The following CALD1 variants were observed in gnomAD, a reference collection of about 807,000 sequenced individuals.
CALD1 encodes caldesmon 1, also known as caldesmon.
In CALD1, 33 loss-of-function variants were observed where a neutral mutation model predicts 99.9. The ratio of observed to expected loss-of-function variants is 0.33; its 90% confidence interval spans 0.25 to 0.44. CALD1 has a LOEUF of 0.44. CALD1 is among the 20% of genes least tolerant of loss of function. The pLI is 1.00. For missense variants in CALD1, 861 were observed against 962.1 expected (o/e 0.89, Z 1.39); for synonymous variants, 310 against 325.0 (o/e 0.95, Z 0.50).
chr7:134,843,272 G>A (rs892504357), intron 1 of CALD1, among the ~76,000 whole-genome samples: 2 of 152,208 alleles, frequency 1.3e-5, no homozygotes, highest in Middle Eastern at 3.2e-3. Flanking sequence ...TCACCCGGGC[G>A]TCTATTTGAA....
intron 1 of CALD1, among the ~76,000 whole-genome samples, chr7:134,752,478 C>T (rs997178911): frequency 2.0e-5 from 3 of 152,182 alleles, no homozygotes; most frequent in Admixed American, 2.0e-4. Flanking sequence ...ATATATTATA[C>T]AGTGGTACCT....
rs778542749 is a variant in CALD1, at chr7:134,928,736, G to T, written c.72-18G>T. On this transcript the variant is annotated intron_variant, in intron 3 of 14. Transcript: ENST00000361675. ...TGGCAAGTGGCACGCTCAAGAGGTT[G>T]TCTTTGTAATGTTGCAGAATCGCCT... 1 of 1,611,722 alleles carries T rather than the reference G, an allele frequency of 6.2e-7. No individual in the cohort carries two copies. Among genetic ancestry groups the T allele is most frequent in the Non-Finnish European group, 8.5e-7 (1 of 1,178,848 alleles).
upstream of CALD1, among the ~76,000 whole-genome samples, chr7:134,743,978 A>C (rs1437002322): frequency 6.6e-6 from 1 of 152,194 alleles, no homozygotes; most frequent in Non-Finnish European, 1.5e-5. Context: ...AAAAATAGCC[A>C]ATCAGATTAG....
intron 7 of CALD1, among the ~76,000 whole-genome samples, chr7:134,946,222 GATATA>G (rs1367244625): frequency 6.6e-6 from 1 of 151,938 alleles, no homozygotes; most frequent in Non-Finnish European, 1.5e-5. Context: ...ATATCATACT[GATATA>G]ATACATAAGC....
Position 134,933,567 on chromosome 7 carries a change from G to A in CALD1, c.798G>A (p.Glu266=). 1.2e-6 allele frequency: 2 copies of A among 1,613,640 alleles called. No homozygotes were observed. Among genetic ancestry groups the A allele is most frequent in the Non-Finnish European group, 1.7e-6 (2 of 1,179,812 alleles). ...AAGAGGAAGACAAGGAAAGAGCTGA[G>A]GCAGAGAGGGCAAGGTTGGAAGCAG... ...KMEEEDKERA[E]AERARLEAEE... is the part of the protein sequence containing the mutation. The change falls in exon 5 of 15, where the codon GAG becomes GAA. Residue 266 remains glutamate (E), a synonymous_variant. Transcript: ENST00000361675.
At chr7:134,867,965 G>A in intron 3 of CALD1, 161 bp downstream of exon 3, 1 of 420,672 alleles carries the variant, frequency 2.4e-6, no homozygotes, top group Non-Finnish European at 4.4e-6. Context: ...TCTAAATTAA[G>A]CATTTAAAAA....
At chr7:134,826,294 A>G (rs1374846619) in intron 1 of CALD1, among the ~76,000 whole-genome samples, 3 of 152,140 alleles carry the variant, frequency 2.0e-5, no homozygotes, top group African/African-American at 7.2e-5. Context: ...ACAGCTGCCC[A>G]TGACCACAAC....
At chr7:134,913,535 T>C (rs982320867) in intron 3 of CALD1, among the ~76,000 whole-genome samples, 1 of 152,260 alleles carries the variant, frequency 6.6e-6, no homozygotes, top group Non-Finnish European at 1.5e-5. Context: ...ATGTAATTTA[T>C]AAATGACTAT....
At chr7:134,762,222 C>T (rs1234244171) in intron 1 of CALD1, among the ~76,000 whole-genome samples, 1 of 152,186 alleles carries the variant, frequency 6.6e-6, no homozygotes, top group Non-Finnish European at 1.5e-5. Flanking sequence ...TAGAAATGGC[C>T]AGGTTCTCTT....
In CALD1 at chr7:134,928,804, G is replaced by A. The variant is rs774839540; in HGVS notation, c.122G>A (p.Arg41Gln). 6.2e-7 allele frequency: 1 copy of A among 1,614,022 alleles called. No homozygotes were observed. The highest frequency in any genetic ancestry group is 1.7e-5 in the Admixed American group (1 of 60,006). ...DDDEEEAARE[R>Q]RRRARQERLR... ...GATGAAGAGGAGGCAGCCCGGGAAC[G>A]GCGCCGCCGAGCCCGACAGGAACGG... Residue 41 changes from arginine (R) to glutamine (Q), a missense_variant, in exon 4 of 15, where the codon CGG becomes CAG. By Grantham distance (43) the Arg-to-Gln change is conservative. Around this residue, in one of 5 missense-constraint regions of CALD1, gnomAD observed 123 missense variants for 169.8 expected, o/e 0.72. Transcript: ENST00000361675.
intron 1 of CALD1, among the ~76,000 whole-genome samples, chr7:134,815,345 C>T (rs1426727872): frequency 1.3e-5 from 2 of 152,166 alleles, no homozygotes; most frequent in Admixed American, 6.5e-5. Context: ...GTTGTCTCTC[C>T]GGCTGGTCCT....
intron 1 of CALD1, among the ~76,000 whole-genome samples, chr7:134,832,173 T>TA (rs1206829620): frequency 6.6e-6 from 1 of 152,218 alleles, no homozygotes; most frequent in East Asian, 1.9e-4. Flanking sequence ...CAGGAGATCT[T>TA]ACTTCGTCAT....
intron 3 of CALD1, among the ~76,000 whole-genome samples, chr7:134,868,808 G>GT (rs1199394595): frequency 7.2e-6 from 1 of 139,230 alleles, no homozygotes; most frequent in Non-Finnish European, 1.6e-5. Flanking sequence ...CCTGCATTCT[G>GT]TTGGTTCAAA....
At chr7:134,936,227 A>G (rs1449429374) in intron 6 of CALD1, among the ~76,000 whole-genome samples, 1 of 152,258 alleles carries the variant, frequency 6.6e-6, no homozygotes, top group Non-Finnish European at 1.5e-5. Flanking sequence ...ACATCTCAGT[A>G]GAAAATATGG....
At chr7:134,766,993 A>T (rs1796831927) in intron 1 of CALD1, among the ~76,000 whole-genome samples, 1 of 152,216 alleles carries the variant, frequency 6.6e-6, no homozygotes, top group South Asian at 2.1e-4. Flanking sequence ...AACAAGAGTC[A>T]GTCAAAGGTA....
intron 5 of CALD1, among the ~76,000 whole-genome samples, chr7:134,934,800 G>A (rs1017262212): frequency 2.6e-5 from 4 of 152,116 alleles, no homozygotes; most frequent in Non-Finnish European, 5.9e-5. Context: ...AGAATCACTT[G>A]AACCTGGGAG....
At chr7:134,813,203 A>G (rs1268016857) in intron 1 of CALD1, among the ~76,000 whole-genome samples, 1 of 152,244 alleles carries the variant, frequency 6.6e-6, no homozygotes, top group African/African-American at 2.4e-5. Context: ...TCAACAGAAG[A>G]TGGGAGGAAA....
chr7:134,941,409 T>C (rs186346471), intron 7 of CALD1, among the ~76,000 whole-genome samples, 172 bp downstream of exon 7: 28 of 152,324 alleles, frequency 1.8e-4, no homozygotes, highest in Admixed American at 1.5e-3. Flanking sequence ...CAGGTCCAGT[T>C]CTTATATCAC....
chr7:134,748,254 T>C (rs536518236), intron 1 of CALD1, among the ~76,000 whole-genome samples: 1 of 152,384 alleles, frequency 6.6e-6, no homozygotes, highest in Admixed American at 6.5e-5. Context: ...ACATGTTTAA[T>C]TTTAAAGGTT....
Sources: allele counts gnomAD v4.1 joint callset (sites outside exome capture counted in the v4.1 genomes callset), GRCh38; gene constraint gnomAD v4.1.1; regional missense constraint gnomAD v4.1.1; transcripts MANE v1.5; gene names NCBI Gene and HGNC (gene_info 2026-07-23, HGNC 2026-07-21).